The following KMT2D variants were observed in gnomAD, a reference collection of about 807,000 sequenced individuals.
KMT2D encodes the protein histone-lysine N-methyltransferase 2D.
KMT2D carries 55 observed loss-of-function variants against 512.7 expected under a neutral mutation model. That is an observed-to-expected ratio of 0.11 (90% CI 0.09 to 0.13). The LOEUF (loss-of-function observed/expected upper bound fraction) is 0.13. KMT2D is among the 10% of genes least tolerant of loss of function. The pLI is 1.00. For synonymous variants in KMT2D, 2,995 were observed against 2,904.0 expected (o/e 1.03, Z -1.01); for missense variants, 6,061 against 7,127.9 (o/e 0.85, Z 5.39).
At position 49,041,223 on chromosome 12, in the gene KMT2D, A is replaced by T. The variant is rs1292871207; in HGVS notation, c.6547T>A (p.Tyr2183Asn). The T allele has an allele frequency of 6.6e-7, 1 of 1,512,274 alleles. No homozygotes were observed. Among genetic ancestry groups the T allele is most frequent in the Non-Finnish European group, 8.8e-7 (1 of 1,133,454 alleles). 93.7% of individuals were successfully genotyped at this position (1,512,274 alleles called of 1,614,324 possible). ...SQDPFGLAPA[Y>N]PLEPRFPTAP... Reference sequence around the variant, plus strand: ...GTGGGGAAGCGGGGCTCCAGGGGATAGGCAGGGGCCAGTCCAAAGGGGTCC... The same window carrying T: ...GTGGGGAAGCGGGGCTCCAGGGGATTGGCAGGGGCCAGTCCAAAGGGGTCC... Residue 2183 changes from tyrosine to asparagine, a missense_variant, in exon 32 of 55, where the codon TAT (tyrosine) becomes AAT (asparagine). Tyr to Asn is a moderately radical substitution (Grantham distance 143, BLOSUM62 -2). This residue lies in a region of KMT2D where 710 missense variants were observed against 647.3 expected (regional missense o/e 1.10). Transcript: ENST00000301067. This position sits in a 1 kb window ranked among gnomAD's most constrained non-coding sequence, Gnocchi z 5.4.
At position 49,042,705 on chromosome 12, in the gene KMT2D, T is replaced by C. The variant is rs770076175; in HGVS notation, c.5782+36A>G. ...TGGCCCATCCTGGAGGCAAGCTTGGTTATGTCAGTCTTCAGACCACTCCCA... is the reference window on the plus strand; with the variant it reads ...TGGCCCATCCTGGAGGCAAGCTTGGCTATGTCAGTCTTCAGACCACTCCCA... On this transcript the variant is annotated intron_variant, in intron 27 of 54. Coordinates refer to ENST00000301067, the MANE Select transcript of KMT2D (RefSeq NM_003482.4). The surrounding 1 kb of genome is among the most constrained non-coding windows in gnomAD (Gnocchi z 4.4). 3 of 1,608,768 alleles carry C rather than the reference T, an allele frequency of 1.9e-6. No homozygotes were observed. In the East Asian group the frequency reaches 6.7e-5, roughly 36 times the overall value.
chr12:49,029,474 T>A lies in KMT2D; in HGVS notation c.14002A>T (p.Thr4668Ser), dbSNP rs946513897. The A allele has an allele frequency of 4.5e-6, 7 of 1,553,158 alleles. No homozygotes were observed. Among genetic ancestry groups the A allele is most frequent in the Non-Finnish European group, 6.1e-6 (7 of 1,147,356 alleles). ...AGGTCTAGACTCTTCACCTCTGAAG[T>A]ATCTGAGGGGTGGGTAGGGAGAAGA... ...ARDSERALRD[T>S]SEVKSLDLLA... Residue 4668 changes from threonine to serine, a missense_variant and splice_region_variant, in exon 44 of 55, where the codon ACT becomes TCT. Physicochemically the swap from Thr to Ser is moderately conservative, Grantham distance 58 (BLOSUM62 1). This residue lies in a region of KMT2D where 1,600 missense variants were observed against 1,754.9 expected (regional missense o/e 0.91). Coordinates refer to ENST00000301067, the MANE Select transcript of KMT2D (RefSeq NM_003482.4).
chr12:49,031,863 G>A lies in KMT2D; in HGVS notation c.12842C>T (p.Pro4281Leu). The change falls in exon 40 of 55, where the codon CCT (proline) becomes CTT (leucine). Residue 4281 changes from proline to leucine, a missense_variant. Pro to Leu is a moderately conservative substitution (Grantham distance 98). Coordinates refer to ENST00000301067, the MANE Select transcript of KMT2D (RefSeq NM_003482.4). ...TGPLQELGAG[P>L]RPQGPPRLPA... ...GAGCCGGGGTGGGCCCTGAGGTCGAGGCCCTGCCCCTAGCTCCTGGAGGGG... is the reference window on the plus strand; with the variant it reads ...GAGCCGGGGTGGGCCCTGAGGTCGAAGCCCTGCCCCTAGCTCCTGGAGGGG... The A allele has an allele frequency of 6.5e-7, 1 of 1,537,576 alleles. No homozygotes were observed.
intron 1 of KMT2D, among the ~76,000 whole-genome samples, chr12:49,056,428 A>C (rs1421342018): frequency 6.6e-6 from 1 of 152,068 alleles, no homozygotes; most frequent in African/African-American, 2.4e-5. Context: ...ATTTTCCTAG[A>C]TCTCAGAGGG....
chr12:49,041,521 C>G lies in KMT2D; in HGVS notation c.6249G>C (p.Gln2083His), dbSNP rs755226219. Residue 2083 changes from glutamine (Q) to histidine (H), a missense_variant, in exon 32 of 55, where the codon CAG becomes CAC. Gln to His is a conservative substitution (Grantham distance 24). Transcript: ENST00000301067. The surrounding 1 kb of genome is among the most constrained non-coding windows in gnomAD (Gnocchi z 5.4). ...CGCCCACCTTGGTCTGCTTGTTGATCTGGCTCTCAGCCTGCTACAGGGGGA... is the reference window on the plus strand; with the variant it reads ...CGCCCACCTTGGTCTGCTTGTTGATGTGGCTCTCAGCCTGCTACAGGGGGA... ...INKVQKQAESQINKQTKVGDI... is the reference protein window; with the variant it reads ...INKVQKQAESHINKQTKVGDI... 1 of 1,613,516 alleles carries G rather than the reference C, an allele frequency of 6.2e-7. No individual in the cohort carries two copies. Among genetic ancestry groups the G allele is most frequent in the Non-Finnish European group, 8.5e-7 (1 of 1,179,638 alleles).
rs1482488651 is a variant in KMT2D at position 49,039,533 on chromosome 12, C to A, written c.8131G>T (p.Ala2711Ser). Residue 2711 changes from alanine (A) to serine (S), a missense_variant, in exon 33 of 55, where the codon GCA becomes TCA. Physicochemically the swap from Ala to Ser is moderately conservative, Grantham distance 99. Around this residue, in one of 16 missense-constraint regions of KMT2D, gnomAD observed 527 missense variants for 578.9 expected, o/e 0.91. Transcript: ENST00000301067. This position sits in a 1 kb window ranked among gnomAD's most constrained non-coding sequence, Gnocchi z 5.0. Reference protein sequence around the residue: ...RQEKETAAAAAGAVGPPGSWG... With the variant: ...RQEKETAAAASGAVGPPGSWG... Reference sequence around the variant, plus strand: ...CTGCCTGGAGGCCCCACTGCTCCTGCAGCTGCTGCAGCTGTTTCCTTCTCC... The same window carrying A: ...CTGCCTGGAGGCCCCACTGCTCCTGAAGCTGCTGCAGCTGTTTCCTTCTCC... The A allele has an allele frequency of 1.2e-6, 2 of 1,611,730 alleles. No individual in the cohort carries two copies. Among genetic ancestry groups the A allele is most frequent in the Middle Eastern group, 1.7e-4 (1 of 6,060 alleles).
chr12:49,037,549 C>T lies in KMT2D; in HGVS notation c.9807G>A (p.Gln3269=), dbSNP rs553943831. The T allele has an allele frequency of 5.8e-6, 9 of 1,554,114 alleles. No homozygotes were observed. Among genetic ancestry groups the T allele is most frequent in the Non-Finnish European group, 7.0e-6 (8 of 1,148,648 alleles). Reference sequence around the variant, plus strand: ...GCTGCTGCTGCTGGGCAGGCTGCAACTGTGCTGAAAGCTGCTGCTTCTTCT... The same window carrying T: ...GCTGCTGCTGCTGGGCAGGCTGCAATTGTGCTGAAAGCTGCTGCTTCTTCT... ...ELQKKQQLSA[Q]LQPAQQQQQQ... Residue 3269 remains glutamine, a synonymous_variant, in exon 35 of 55, where the codon CAG becomes CAA. Transcript: ENST00000301067.
chr12:49,019,094 A>G lies in KMT2D; in HGVS notation c.*2686T>C. ...TATGTACAGTTCAGAATGATCGCTG[A>G]TACAAAACATGCCAAGGACAGGGGC... On this transcript the variant is annotated 3_prime_UTR_variant, in exon 55 of 55. Coordinates refer to ENST00000301067, the MANE Select transcript of KMT2D (RefSeq NM_003482.4). 1 of 1,203,430 alleles carries G rather than the reference A, an allele frequency of 8.3e-7. No individual in the cohort carries two copies. Among genetic ancestry groups the G allele is most frequent in the Non-Finnish European group, 1.0e-6 (1 of 963,840 alleles). The allele number at this position is 1,203,430 out of a possible 1,614,324, so 74.5% of individuals were successfully genotyped here. A position where few individuals can be genotyped will look rare whatever the true frequency, so the allele number is the denominator to read the frequency against.
At position 49,054,478 on chromosome 12, in the gene KMT2D, C is replaced by G. The variant is rs1565824661; in HGVS notation, c.400+50G>C. 6.3e-7 allele frequency: 1 copy of G among 1,574,946 alleles called. No homozygotes were observed. Among genetic ancestry groups the G allele is most frequent in the Non-Finnish European group, 8.6e-7 (1 of 1,158,060 alleles). On this transcript the variant is annotated intron_variant, in intron 4 of 54. Transcript: ENST00000301067. The surrounding 1 kb of genome is among the most constrained non-coding windows in gnomAD (Gnocchi z 6.4). ...ATTAACAAAAAGAGGATTGCTGGCT[C>G]AGGACTACCCAGCCCTTATCCCATT...
chr12:49,035,290 C>T (rs1025080903), intron 35 of KMT2D, among the ~76,000 whole-genome samples: 1 of 152,216 alleles, frequency 6.6e-6, no homozygotes, highest in African/African-American at 2.4e-5. Context: ...TATAAGTACA[C>T]TTTATGACTC....
rs2120528930 is a variant in KMT2D, at chr12:49,040,432, G to C, written c.7338C>G (p.Ser2446=). 6.4e-7 allele frequency: 1 copy of C among 1,561,440 alleles called. No homozygotes were observed. The highest frequency in any genetic ancestry group is 8.7e-7 in the Non-Finnish European group (1 of 1,152,912). The change falls in exon 32 of 55, where the codon TCC becomes TCG. Residue 2446 remains serine (S), a synonymous_variant. Coordinates refer to ENST00000301067, the MANE Select transcript of KMT2D (RefSeq NM_003482.4). ...CPSPVTPRFQ[S]PDPYSRPPSR... is the part of the protein sequence containing the mutation. ...AGGGTGGGCGAGAATAAGGGTCAGG[G>C]GACTGGAAGCGAGGGGTAACGGGTG...
In KMT2D at chr12:49,026,308, G is replaced by A. The variant is rs770413324; in HGVS notation, c.15658C>T (p.Arg5220Cys). The change falls in exon 49 of 55, where the codon CGC (arginine) becomes TGC (cysteine). Residue 5220 changes from arginine (R) to cysteine (C), a missense_variant. Physicochemically the swap from Arg to Cys is radical, Grantham distance 180. This residue lies in a region of KMT2D where 261 missense variants were observed against 440.7 expected (regional missense o/e 0.59). Coordinates refer to ENST00000301067, the MANE Select transcript of KMT2D (RefSeq NM_003482.4). The surrounding 1 kb of genome is among the most constrained non-coding windows in gnomAD (Gnocchi z 9.6). ...YEATRIYWSL[R>C]TNNRRCCYRC... ...TAGCAGCAGCGACGATTGTTGGTGC[G>A]GAGGCTCCAATAGATGCGCGTGGCC... The A allele has an allele frequency of 5.6e-6, 9 of 1,612,016 alleles. No homozygotes were observed. Among genetic ancestry groups the A allele is most frequent in the Non-Finnish European group, 7.6e-6 (9 of 1,178,194 alleles).
rs769904369 is a variant in KMT2D, at chr12:49,041,154, G to A, written c.6616C>T (p.Pro2206Ser). 1 of 1,522,906 alleles carries A rather than the reference G, an allele frequency of 6.6e-7. No individual in the cohort carries two copies. Among genetic ancestry groups the A allele is most frequent in the Non-Finnish European group, 8.8e-7 (1 of 1,138,936 alleles). The allele number at this position is 1,522,906 out of a possible 1,614,324, so 94.3% of individuals were successfully genotyped here. A position where few individuals can be genotyped will look rare whatever the true frequency, so the allele number is the denominator to read the frequency against. The change falls in exon 32 of 55, where the codon CCT becomes TCT. Residue 2206 changes from proline (P) to serine (S), a missense_variant. Coordinates refer to ENST00000301067, the MANE Select transcript of KMT2D (RefSeq NM_003482.4). The surrounding 1 kb of genome is among the most constrained non-coding windows in gnomAD (Gnocchi z 5.4). ...YPPYPSPTGA[P>S]AQPPMLGASS... ...GCGCCCAGCATCGGGGGCTGCGCAG[G>A]GGCCCCCGTAGGACTAGGATAGGGG...
Position 49,039,856 on chromosome 12 carries a change from G to A in KMT2D, c.7914C>T (p.Ile2638=), listed in dbSNP as rs2120518209. The A allele has an allele frequency of 1.2e-6, 2 of 1,614,066 alleles. No homozygotes were observed. The highest frequency in any genetic ancestry group is 1.7e-6 in the Non-Finnish European group (2 of 1,179,910). Residue 2638 remains isoleucine, a synonymous_variant, in exon 32 of 55, where the codon ATC becomes ATT. Coordinates refer to ENST00000301067, the MANE Select transcript of KMT2D (RefSeq NM_003482.4). The surrounding 1 kb of genome is among the most constrained non-coding windows in gnomAD (Gnocchi z 5.0). ...CTTCTCGCTTTTCGACAGGAGAGGTGATGCCTGATCGCTGTGAGGCTCCAT... is the reference window on the plus strand; with the variant it reads ...CTTCTCGCTTTTCGACAGGAGAGGTAATGCCTGATCGCTGTGAGGCTCCAT... ...LSHGASQRSG[I]TSPVEKREDP...
chr12:49,041,807 C>T lies in KMT2D; in HGVS notation c.6184-102G>A, dbSNP rs775236923. 3.3e-6 allele frequency: 5 copies of T among 1,523,986 alleles called. No homozygotes were observed. The highest frequency in any genetic ancestry group is 1.9e-5 in the Admixed American group (1 of 51,288). The allele number at this position is 1,523,986 out of a possible 1,614,324, so 94.4% of individuals were successfully genotyped here. On this transcript the variant is annotated intron_variant, in intron 30 of 54. Transcript: ENST00000301067. This position sits in a 1 kb window ranked among gnomAD's most constrained non-coding sequence, Gnocchi z 5.4. ...CTCCCTACCCAGAAGCAGATCCCTTCTGGCCCAGCTGCTTTAGGAGTGGGG... is the reference window on the plus strand; with the variant it reads ...CTCCCTACCCAGAAGCAGATCCCTTTTGGCCCAGCTGCTTTAGGAGTGGGG...
intron 9 of KMT2D, 25 bp from the exon 10 acceptor site, chr12:49,052,734 C>T: frequency 6.2e-7 from 1 of 1,608,064 alleles, no homozygotes; most frequent in Non-Finnish European, 8.5e-7. Context: ...GGGGAGCAGG[C>T]ACTGTGGCTC....
Position 49,029,176 on chromosome 12 carries a change from C to T in KMT2D, c.14136G>A (p.Glu4712=), listed in dbSNP as rs571490817. ...GAGGGGCCTCCTCCCCCAAGATGCTCTCAGGGGATGAAGCTGGCACAATGC... is the reference window on the plus strand; with the variant it reads ...GAGGGGCCTCCTCCCCCAAGATGCTTTCAGGGGATGAAGCTGGCACAATGC... ...PDSIVPASSP[E]SILGEEAPRF... is the part of the protein sequence containing the mutation. The change falls in exon 45 of 55, where the codon GAG becomes GAA. Residue 4712 remains glutamate (E), a synonymous_variant. Coordinates refer to ENST00000301067, the MANE Select transcript of KMT2D (RefSeq NM_003482.4). 3.1e-6 allele frequency: 5 copies of T among 1,613,966 alleles called. No homozygotes were observed. The Admixed American group carries it at 6.7e-5, about 22-fold the overall frequency.
chr12:49,046,775 G>C lies in KMT2D; in HGVS notation c.4252C>G (p.Leu1418Val), dbSNP rs2120612676. Residue 1418 changes from leucine to valine, a missense_variant, in exon 16 of 55, where the codon CTG becomes GTG. Leu to Val is a conservative substitution (Grantham distance 32). Coordinates refer to ENST00000301067, the MANE Select transcript of KMT2D (RefSeq NM_003482.4). This position sits in a 1 kb window ranked among gnomAD's most constrained non-coding sequence, Gnocchi z 4.2. The part of the protein sequence containing the change: ...CVNSKITKVM[L>V]LKGWRCVECI... ...TCCACACAACGCCAGCCCTTGAGCA[G>C]CATCACCTTGGTGATCTGGGGCAGA... 6.2e-7 allele frequency: 1 copy of C among 1,613,498 alleles called. No homozygotes were observed. Among genetic ancestry groups the C allele is most frequent in the Non-Finnish European group, 8.5e-7 (1 of 1,179,504 alleles).
rs752144533 is a variant in KMT2D, at chr12:49,028,082, G to C, written c.14442C>G (p.Ser4814=). 3.7e-6 allele frequency: 6 copies of C among 1,613,958 alleles called. No individual in the cohort carries two copies. The highest frequency in any genetic ancestry group is 5.1e-6 in the Non-Finnish European group (6 of 1,179,864). Residue 4814 remains serine, a synonymous_variant, in exon 47 of 55, where the codon TCC becomes TCG. Transcript: ENST00000301067. ...GGCTCTCTGGGAACAGCACCTCATA[G>C]GAGTTGGGGATCTTCATGCTCAGCA... ...AELLSMKIPN[S]YEVLFPESPA... is the part of the protein sequence containing the mutation.
Sources: gnomAD v4.1 joint callset for allele counts (sites outside exome capture counted in the v4.1 genomes callset) on GRCh38, gnomAD v4.1.1 for gene constraint, gnomAD v4.1.1 regional missense constraint, Gnocchi (gnomAD v3.1) non-coding constraint, MANE v1.5 for transcripts, NCBI Gene and HGNC (gene_info 2026-07-23, HGNC 2026-07-21) for gene names.